MYT1L: variants seen among roughly 807,000 people sequenced by gnomAD.
MYT1L encodes myelin transcription factor 1 like.
A neutral mutation model predicts 126.7 loss-of-function variants in MYT1L; 12 were observed. The ratio of observed to expected loss-of-function variants is 0.09; its 90% CI spans 0.06 to 0.15. The LOEUF (loss-of-function observed/expected upper bound fraction) is 0.15, where lower values mean the gene tolerates loss of function less well. MYT1L is among the 10% of genes least tolerant of loss of function. MYT1L has a pLI of 1.00. For missense variants in MYT1L, 979 were observed against 1,585.2 expected, an observed-to-expected ratio of 0.62 and a Z score of 6.49; for synonymous variants, 541 against 604.2, an observed-to-expected ratio of 0.90 and a Z score of 1.53.
intron 4 of MYT1L, among the ~76,000 whole-genome samples, chr2:1,998,122 C>T (rs1421143935): frequency 6.6e-6 from 1 of 152,164 alleles, no homozygotes; most frequent in East Asian, 1.9e-4. Context: ...ATTTGAGTCT[C>T]GCCACTAGGT....
At chr2:1,861,043 GAAGCGGCGACAATGGCCAAAAACTC>G (rs1271382197) in intron 18 of MYT1L, among the ~76,000 whole-genome samples, 1 of 152,118 alleles carries the variant, frequency 6.6e-6, no homozygotes, top group Non-Finnish European at 1.5e-5. Flanking sequence ...GGCACAGAGG[GAAGCGGCGACAATGGCCAAAAACTC>G]AACACAGCTC....
chr2:2,204,376 A>G (rs1373852821), intron 2 of MYT1L, among the ~76,000 whole-genome samples: 1 of 151,578 alleles, frequency 6.6e-6, no homozygotes, highest in Non-Finnish European at 1.5e-5. Context: ...ACAAAGGGCT[A>G]ATATCCAGAA....
At chr2:2,074,812 C>A (rs889851297) in intron 3 of MYT1L, among the ~76,000 whole-genome samples, 1 of 152,166 alleles carries the variant, frequency 6.6e-6, no homozygotes, top group Admixed American at 6.5e-5. Flanking sequence ...AACTTTTGAT[C>A]TCATGCAGGG....
At chr2:1,869,165 G>A (rs901243358) in intron 18 of MYT1L, among the ~76,000 whole-genome samples, 3 of 146,028 alleles carry the variant, frequency 2.1e-5, no homozygotes, top group Non-Finnish European at 3.0e-5. Context: ...TCTTTTCCAC[G>A]TGCCACTGTA....
intron 1 of MYT1L, among the ~76,000 whole-genome samples, chr2:2,321,220 G>C (rs1184380860): frequency 1.3e-5 from 2 of 152,176 alleles, no homozygotes; most frequent in African/African-American, 4.8e-5. Flanking sequence ...AAAAGCTCTT[G>C]CCCAGATGCA....
At chr2:2,098,570 G>A (rs1414748844) in intron 3 of MYT1L, among the ~76,000 whole-genome samples, 1 of 152,206 alleles carries the variant, frequency 6.6e-6, no homozygotes, top group East Asian at 1.9e-4. Flanking sequence ...TAGGGAGGAG[G>A]GTGATCTGGT....
At chr2:1,804,321 C>G (rs924693763) in intron 22 of MYT1L, among the ~76,000 whole-genome samples, 9 of 152,090 alleles carry the variant, frequency 5.9e-5, no homozygotes, top group Non-Finnish European at 4.4e-5. Flanking sequence ...GGGGTTTCAC[C>G]ATGTTGGCCA....
At chr2:2,081,902 G>C (rs573925371) in intron 3 of MYT1L, among the ~76,000 whole-genome samples, 13 of 152,028 alleles carry the variant, frequency 8.6e-5, no homozygotes, top group Non-Finnish European at 1.8e-4. Context: ...GCCATGCTTG[G>C]CTAATTTTTG....
At chr2:2,230,599 G>A (rs2094137533) in intron 2 of MYT1L, among the ~76,000 whole-genome samples, 1 of 152,176 alleles carries the variant, frequency 6.6e-6, no homozygotes, top group Non-Finnish European at 1.5e-5. Context: ...ACATGTGACA[G>A]TGTCAGCCCG....
rs574836901 is a variant in MYT1L, at chr2:2,087,357, C to T, written c.-303-33234G>A. On this transcript the variant is annotated intron_variant, in intron 3 of 24. Transcript: ENST00000647738. ...ATGCCATTAATGTTCTTCCCTTTTT[C>T]TTTGTTTGGGAAATTTCTTATCACT... Among the ~76,000 whole-genome samples the T allele has an allele frequency of 1.5e-4, 23 of 152,134 alleles. No homozygotes were observed. The East Asian group carries it at 4.1e-3, about 27-fold the overall frequency.
At chr2:1,966,051 G>A (rs1439439830) in intron 8 of MYT1L, among the ~76,000 whole-genome samples, 1 of 152,246 alleles carries the variant, frequency 6.6e-6, no homozygotes, top group Non-Finnish European at 1.5e-5. Context: ...TCAGGCTCCT[G>A]TGCTGGGAAC....
At chr2:1,920,248 C>A (rs879535652) in intron 10 of MYT1L, among the ~76,000 whole-genome samples, 2 of 152,156 alleles carry the variant, frequency 1.3e-5, no homozygotes, top group Admixed American at 1.3e-4. Flanking sequence ...CCCACCCAAC[C>A]CCCATTTATA....
chr2:2,250,778 A>G (rs1559460565), intron 2 of MYT1L, among the ~76,000 whole-genome samples: 1 of 152,144 alleles, frequency 6.6e-6, no homozygotes, highest in African/African-American at 2.4e-5. Context: ...CATCATAAAT[A>G]TATATACCTA....
At chr2:2,155,573 T>G (rs545408997) in intron 3 of MYT1L, among the ~76,000 whole-genome samples, 1 of 152,174 alleles carries the variant, frequency 6.6e-6, no homozygotes, top group Non-Finnish European at 1.5e-5. Context: ...GAGTCAAGAT[T>G]TGAACCCAGG....
chr2:2,239,825 T>A (rs573073862), intron 2 of MYT1L, among the ~76,000 whole-genome samples: 7 of 152,228 alleles, frequency 4.6e-5, no homozygotes, highest in African/African-American at 1.7e-4. Flanking sequence ...AACTGAGAGG[T>A]GAAGTCTCCC....
chr2:1,822,039 G>A (rs2038613856), intron 21 of MYT1L, among the ~76,000 whole-genome samples: 2 of 152,148 alleles, frequency 1.3e-5, no homozygotes, highest in South Asian at 2.1e-4. Flanking sequence ...CTAGGTCCCA[G>A]CCTCTTTTCT....
At chr2:1,864,652 G>A (rs1006392202) in intron 18 of MYT1L, among the ~76,000 whole-genome samples, 1 of 152,222 alleles carries the variant, frequency 6.6e-6, no homozygotes, top group African/African-American at 2.4e-5. Flanking sequence ...GGGCAGGGCT[G>A]AGCCCGGATG....
At chr2:1,883,693 A>T (rs923346309) in intron 18 of MYT1L, among the ~76,000 whole-genome samples, 1 of 152,168 alleles carries the variant, frequency 6.6e-6, no homozygotes, top group Non-Finnish European at 1.5e-5. Flanking sequence ...ACCTCAAAGC[A>T]TCGACGCGCA....
intron 3 of MYT1L, among the ~76,000 whole-genome samples, chr2:2,130,659 T>C (rs2082251762): frequency 6.6e-6 from 1 of 152,146 alleles, no homozygotes; most frequent in Admixed American, 6.5e-5. Flanking sequence ...GTATACATAA[T>C]GGAGTAAGAA....
Sources: allele counts gnomAD v4.1 joint callset (sites outside exome capture counted in the v4.1 genomes callset), GRCh38; gene constraint gnomAD v4.1.1; transcripts MANE v1.5; gene names NCBI Gene and HGNC (gene_info 2026-07-23, HGNC 2026-07-21).